Variants in TP53BP1 observed in about 807,000 individuals in gnomAD.
The protein encoded by TP53BP1 is TP53-binding protein 1.
Under a neutral mutation model 200.8 loss-of-function variants are expected in TP53BP1, and 61 were observed. That is an observed-to-expected ratio of 0.30 (90% CI 0.25 to 0.38). The LOEUF (loss-of-function observed/expected upper bound fraction) is 0.38, where lower values mean the gene tolerates loss of function less well. Ranked by LOEUF, TP53BP1 falls within the 10% of genes least tolerant of loss-of-function variation. The pLI is 1.00. For missense variants in TP53BP1, 2,144 were observed against 2,371.9 expected, an observed-to-expected ratio of 0.90 and a Z score of 2.00; for synonymous variants, 822 against 844.3, an observed-to-expected ratio of 0.97 and a Z score of 0.46.
chr15:43,494,552 C>A (rs1435665755), upstream of TP53BP1, among the ~76,000 whole-genome samples: 1 of 152,208 alleles, frequency 6.6e-6, no homozygotes, highest in Non-Finnish European at 1.5e-5. Flanking sequence ...ATGGACCACA[C>A]AGAGATGCAT....
upstream of TP53BP1, among the ~76,000 whole-genome samples, chr15:43,493,731 G>C (rs1166896827): frequency 2.0e-5 from 3 of 152,110 alleles, no homozygotes; most frequent in Admixed American, 2.0e-4. Context: ...TTTTTACATT[G>C]TATAAGGGCT....
chr15:43,439,052 G>A (rs1369392801), intron 15 of TP53BP1, among the ~76,000 whole-genome samples: 1 of 152,128 alleles, frequency 6.6e-6, no homozygotes, highest in Non-Finnish European at 1.5e-5. Flanking sequence ...CAGTAGGGAG[G>A]GGGGTGCTGG....
intron 17 of TP53BP1, among the ~76,000 whole-genome samples, chr15:43,428,457 T>C (rs1375641369): frequency 6.6e-6 from 1 of 152,238 alleles, no homozygotes; most frequent in African/African-American, 2.4e-5. Context: ...AGGTGAACCT[T>C]TGACCCCTAA....
chr15:43,427,799 TAAAC>T (rs1175414721), intron 18 of TP53BP1, among the ~76,000 whole-genome samples: 1 of 151,620 alleles, frequency 6.6e-6, no homozygotes, highest in African/African-American at 2.4e-5. Flanking sequence ...ATCCAAAAAA[TAAAC>T]AAAATTAGCC....
intron 20 of TP53BP1, 32 bp downstream of exon 20, chr15:43,420,992 AC>A (rs1450290155): frequency 1.3e-6 from 2 of 1,590,946 alleles, no homozygotes; most frequent in East Asian, 4.5e-5. Context: ...TTTCTGAACA[AC>A]AGACTAAGTA....
Position 43,438,289 on chromosome 15 carries a change from T to G in TP53BP1, c.3191+35A>C, listed in dbSNP as rs544156780. ...GGGCACTAACCATTTTGTGAACCAA[T>G]GGAGCCCAAAAGATTCTATAAAAAT... On this transcript the variant is annotated intron_variant, in intron 16 of 27. Coordinates refer to ENST00000382044, the MANE Select transcript of TP53BP1 (RefSeq NM_001141980.3). The G allele has an allele frequency of 6.0e-5, 96 of 1,588,932 alleles. No individual in the cohort carries two copies. The Middle Eastern group carries it at 1.3e-3, about 22-fold the overall frequency.
chr15:43,487,365 G>A (rs996313548), intron 4 of TP53BP1, among the ~76,000 whole-genome samples: 5 of 152,076 alleles, frequency 3.3e-5, no homozygotes, highest in Admixed American at 3.3e-4. Flanking sequence ...TTGCTGGTGG[G>A]ACTATAAAAC....
Position 43,413,295 on chromosome 15 carries a change from C to T in TP53BP1, c.5129G>A (p.Ser1710Asn). The T allele has an allele frequency of 6.2e-7, 1 of 1,614,158 alleles. No individual in the cohort carries two copies. Among genetic ancestry groups the T allele is most frequent in the Non-Finnish European group, 8.5e-7 (1 of 1,180,018 alleles). ...GAGEFVSPCE[S>N]GDNTGEPSAL... ...AGAGGGTTCACCGGTGTTGTCTCCA[C>T]TCTCACAGGGGCTCACAAACTCTCC... Residue 1710 changes from serine (S) to asparagine (N), a missense_variant, in exon 24 of 28, where the codon AGT becomes AAT. Around this residue, in one of 4 missense-constraint regions of TP53BP1, gnomAD observed 334 missense variants for 453.4 expected, o/e 0.74. Coordinates refer to ENST00000382044, the MANE Select transcript of TP53BP1 (RefSeq NM_001141980.3).
In TP53BP1 at chr15:43,508,396, G is replaced by A. The variant is rs182363889; in HGVS notation, c.-9+1974C>T. ...TTCTGGGCTGGGAACAGTGGCTCAC[G>A]CTTGTAATCCCAGTCCTTTGGGAGG... On this transcript the variant is annotated intron_variant, in intron 1 of 27. Transcript: ENST00000263801. 4.5e-3 allele frequency among the ~76,000 whole-genome samples: 685 copies of A among 152,212 alleles called. 4 individuals are homozygous for A. The highest frequency in any genetic ancestry group is 7.0e-3 in the Non-Finnish European group (473 of 68,010).
chr15:43,458,219 G>A (rs548282776), intron 11 of TP53BP1, among the ~76,000 whole-genome samples: 3 of 151,866 alleles, frequency 2.0e-5, no homozygotes, highest in Admixed American at 6.6e-5. Flanking sequence ...ATCACCTGAC[G>A]TCAGAAGTTC....
chr15:43,467,086 A>G (rs1003746727), intron 11 of TP53BP1, among the ~76,000 whole-genome samples: 3 of 151,008 alleles, frequency 2.0e-5, no homozygotes, highest in African/African-American at 7.3e-5. Flanking sequence ...ACAAGGTCTC[A>G]CTCTGTTGCT....
At chr15:43,487,931 T>C (rs2079068591) in intron 4 of TP53BP1, among the ~76,000 whole-genome samples, 1 of 152,134 alleles carries the variant, frequency 6.6e-6, no homozygotes, top group African/African-American at 2.4e-5. Flanking sequence ...CATGGAAGAC[T>C]ACTCAGCAAT....
chr15:43,478,686 C>T (rs145812933), intron 7 of TP53BP1, among the ~76,000 whole-genome samples: 3 of 152,252 alleles, frequency 2.0e-5, no homozygotes, highest in Non-Finnish European at 2.9e-5. Context: ...CTACATCTAT[C>T]GATACCATAA....
Position 43,492,393 on chromosome 15 carries a change from T to C in TP53BP1, c.83A>G (p.Glu28Gly). 1 of 1,613,896 alleles carries C rather than the reference T, an allele frequency of 6.2e-7. No individual in the cohort carries two copies. The highest frequency in any genetic ancestry group is 2.2e-5 in the East Asian group (1 of 44,874). Reference protein sequence around the residue: ...SQQDTPCLIIEDSQPESQVLE... With the variant: ...SQQDTPCLIIGDSQPESQVLE... ...AACCTGGCTTTCAGGCTGAGAATCT[T>C]CAATTATCAGGCAAGGAGTATCTTG... The change falls in exon 2 of 28, where the codon GAA becomes GGA. Residue 28 changes from glutamate to glycine, a missense_variant. By Grantham distance (98) the Glu-to-Gly change is moderately conservative. This residue lies in a region of TP53BP1 where 1,700 missense variants were observed against 1,710.3 expected (regional missense o/e 0.99). Coordinates refer to ENST00000382044, the MANE Select transcript of TP53BP1 (RefSeq NM_001141980.3).
intron 10 of TP53BP1, among the ~76,000 whole-genome samples, chr15:43,471,368 A>G (rs747248571): frequency 1.2e-4 from 18 of 152,204 alleles, no homozygotes; most frequent in Non-Finnish European, 2.2e-4. Context: ...TATTTTCATT[A>G]ATTTCCTATA....
intron 1 of TP53BP1, among the ~76,000 whole-genome samples, chr15:43,504,776 T>C (rs1335031099): frequency 6.6e-6 from 1 of 152,120 alleles, no homozygotes; most frequent in Admixed American, 6.6e-5. Context: ...TCCCAGTACT[T>C]TGGGAGGCCG....
intron 16 of TP53BP1, among the ~76,000 whole-genome samples, chr15:43,435,758 C>G (rs1293215916): frequency 6.6e-6 from 1 of 151,996 alleles, no homozygotes; most frequent in Admixed American, 6.6e-5. Flanking sequence ...TGCAGTGGCA[C>G]CATCTTGGCT....
intron 24 of TP53BP1, chr15:43,412,855 T>C (rs1369887022): frequency 7.1e-6 from 4 of 563,108 alleles, no homozygotes; most frequent in East Asian, 4.1e-5. Flanking sequence ...TCCAAACTTG[T>C]TTCCTCATCC....
chr15:43,492,604 T>C, intron 1 of TP53BP1, 136 bp from the exon 2 acceptor site: 1 of 653,938 alleles, frequency 1.5e-6, no homozygotes, highest in Non-Finnish European at 2.6e-6. Flanking sequence ...TAGAATATTA[T>C]ATTTATAATT....
Sources: gnomAD v4.1 joint callset for allele counts (sites outside exome capture counted in the v4.1 genomes callset) on GRCh38, gnomAD v4.1.1 for gene constraint, gnomAD v4.1.1 regional missense constraint, MANE v1.5 for transcripts, NCBI Gene and HGNC (gene_info 2026-07-23, HGNC 2026-07-21) for gene names.